ERBB4: variants seen among roughly 807,000 people sequenced by gnomAD.
ERBB4 encodes receptor tyrosine-protein kinase erbB-4.
A neutral mutation model predicts 158.0 loss-of-function variants in ERBB4; 42 were observed. The observed-to-expected ratio is 0.27, with a 90% CI of 0.21 to 0.34. The LOEUF is 0.34. Ranked by LOEUF, ERBB4 falls within the 10% of genes least tolerant of loss-of-function variation. ERBB4 has a pLI of 1.00. For synonymous variants in ERBB4, 583 were observed against 558.7 expected (o/e 1.04, Z -0.61); for missense variants, 1,333 against 1,624.1 (o/e 0.82, Z 3.08).
At chr2:211,570,343 T>TTTTTTTTTC (rs1553571659) in intron 19 of ERBB4, among the ~76,000 whole-genome samples, 3 of 147,606 alleles carry the variant, frequency 2.0e-5, no homozygotes, top group Admixed American at 6.8e-5. Context: ...TTTTTTTTTT[T>TTTTTTTTTC]CTCAGTAGAG....
chr2:211,515,190 C>T (rs1418208759), intron 20 of ERBB4, among the ~76,000 whole-genome samples: 1 of 152,040 alleles, frequency 6.6e-6, no homozygotes, highest in Non-Finnish European at 1.5e-5. Context: ...GATGATTTAG[C>T]AGAGCTGAAT....
At chr2:211,426,151 T>TA (rs2125416180) in intron 22 of ERBB4, among the ~76,000 whole-genome samples, 1 of 66,814 alleles carries the variant, frequency 1.5e-5, no homozygotes, top group East Asian at 4.0e-4. Flanking sequence ...AGCCAAAATA[T>TA]AAAAAACTCT....
intron 1 of ERBB4, among the ~76,000 whole-genome samples, chr2:212,227,742 T>C (rs2083521177): frequency 6.6e-6 from 1 of 152,130 alleles, no homozygotes; most frequent in African/African-American, 2.4e-5. Context: ...AAATTGTTTT[T>C]ATCAATATAG....
intron 9 of ERBB4, among the ~76,000 whole-genome samples, chr2:211,706,793 A>G (rs997746848): frequency 3.9e-5 from 6 of 152,078 alleles, no homozygotes; most frequent in Non-Finnish European, 8.8e-5. Flanking sequence ...ATTGATTAAA[A>G]TTTTCTCAAT....
chr2:211,946,670 A>G (rs2080707732), intron 3 of ERBB4, among the ~76,000 whole-genome samples: 1 of 129,712 alleles, frequency 7.7e-6, no homozygotes. Context: ...TAAGCAGCTC[A>G]TTTTGATTAC....
At chr2:212,049,759 T>C (rs1436929919) in intron 2 of ERBB4, among the ~76,000 whole-genome samples, 1 of 152,226 alleles carries the variant, frequency 6.6e-6, no homozygotes, top group African/African-American at 2.4e-5. Flanking sequence ...TTCAAGGTAA[T>C]GTCTTTGTCT....
At chr2:211,975,866 A>T (rs1048902316) in intron 2 of ERBB4, among the ~76,000 whole-genome samples, 1 of 152,198 alleles carries the variant, frequency 6.6e-6, no homozygotes, top group East Asian at 1.9e-4. Context: ...TTCAACCAAA[A>T]CATTCCCTCA....
intron 1 of ERBB4, among the ~76,000 whole-genome samples, chr2:212,488,415 T>C (rs979452): frequency 0.16 from 24,625 of 151,910 alleles, 2,515 homozygotes; most frequent in Non-Finnish European, 0.23. Flanking sequence ...TTAACCTCTA[T>C]AGTCTGTCAT....
Position 212,386,737 on chromosome 2 carries a change from G to A in ERBB4, c.82+151712C>T, listed in dbSNP as rs1034401798. ...ACACTACTTCCTCTACCTGGAATAA[G>A]CTCACTACCCTCCTTGTTCTTTTAG... is the stretch of plus-strand genomic sequence containing the variant. On this transcript the variant is annotated intron_variant, in intron 1 of 27. Transcript: ENST00000342788. Among the ~76,000 whole-genome samples, 4 of 152,066 alleles carry A rather than the reference G, an allele frequency of 2.6e-5. No homozygotes were observed. The Middle Eastern group carries it at 0.014, about 517-fold the overall frequency.
At position 211,377,454 on chromosome 2, in the gene ERBB4, A is replaced by G. The variant is rs1376463800; in HGVS notation, c.*6161T>C. The stretch of plus-strand genomic sequence containing the variant: ...GGAAAGCTCACTAGAGCATGAAAAG[A>G]AAAACGTCCATAAAGAGCAAAAGTA... On this transcript the variant is annotated 3_prime_UTR_variant, in exon 28 of 28. Coordinates refer to ENST00000342788, the MANE Select transcript of ERBB4 (RefSeq NM_005235.3). 1 of 233,048 alleles carries G rather than the reference A, an allele frequency of 4.3e-6. No homozygotes were observed. The highest frequency in any genetic ancestry group is 8.5e-6 in the Non-Finnish European group (1 of 117,658). 14.4% of individuals were successfully genotyped at this position (233,048 alleles called of 1,614,324 possible).
At chr2:211,982,211 ATAATTTT>A (rs2081819331) in intron 2 of ERBB4, among the ~76,000 whole-genome samples, 1 of 152,116 alleles carries the variant, frequency 6.6e-6, no homozygotes, top group East Asian at 1.9e-4. Flanking sequence ...CTGTCCTCCT[ATAATTTT>A]TCAGACTAAA....
intron 13 of ERBB4, among the ~76,000 whole-genome samples, chr2:211,677,719 A>G (rs955888576): frequency 1.3e-5 from 2 of 151,324 alleles, no homozygotes; most frequent in Admixed American, 6.6e-5. Flanking sequence ...CCAAAAATAC[A>G]AAAAATTAGC....
intron 20 of ERBB4, among the ~76,000 whole-genome samples, chr2:211,485,941 A>G (rs1248924452): frequency 1.3e-5 from 2 of 152,100 alleles, no homozygotes; most frequent in Non-Finnish European, 2.9e-5. Context: ...TGCATTTATA[A>G]TTTTATTTTT....
intron 1 of ERBB4, among the ~76,000 whole-genome samples, chr2:212,337,439 T>C (rs74567775): frequency 0.056 from 8,465 of 152,132 alleles, 790 homozygotes; most frequent in African/African-American, 0.19. Flanking sequence ...GTACTTTCTA[T>C]GCAACAAATC....
chr2:212,054,162 G>C (rs1176183094), intron 2 of ERBB4, among the ~76,000 whole-genome samples: 1 of 152,126 alleles, frequency 6.6e-6, no homozygotes, highest in Non-Finnish European at 1.5e-5. Context: ...TGGAGTATAT[G>C]TGCTATGTAG....
chr2:212,459,661 C>G (rs1017881286), intron 1 of ERBB4, among the ~76,000 whole-genome samples: 2 of 152,096 alleles, frequency 1.3e-5, no homozygotes, highest in Non-Finnish European at 2.9e-5. Flanking sequence ...AAGAACAGTG[C>G]TGGAAGCATT....
intron 20 of ERBB4, among the ~76,000 whole-genome samples, chr2:211,468,812 T>C (rs1053869764): frequency 1.4e-5 from 2 of 141,620 alleles, no homozygotes; most frequent in African/African-American, 2.7e-5. Context: ...TATCTGCCCC[T>C]GTGTAATGTG....
chr2:211,532,844 C>T (rs1038744713), intron 20 of ERBB4, among the ~76,000 whole-genome samples: 3 of 151,892 alleles, frequency 2.0e-5, no homozygotes, highest in African/African-American at 7.2e-5. Flanking sequence ...TATTATTTCT[C>T]TATACTTCTC....
chr2:211,486,796 A>G (rs12476044), intron 20 of ERBB4, among the ~76,000 whole-genome samples: 3,508 of 152,174 alleles, frequency 0.023, 57 homozygotes, highest in Non-Finnish European at 0.037. Context: ...AATATGTTAC[A>G]ATATGTGAAG....
Sources: gnomAD v4.1 joint callset for allele counts (sites outside exome capture counted in the v4.1 genomes callset) on GRCh38, gnomAD v4.1.1 for gene constraint, MANE v1.5 for transcripts, NCBI Gene and HGNC (gene_info 2026-07-23, HGNC 2026-07-21) for gene names.